KCNN2: variants seen among roughly 807,000 people sequenced by gnomAD.
KCNN2 encodes small conductance calcium-activated potassium channel protein 2.
KCNN2 carries 24 observed loss-of-function variants against 55.5 expected under a neutral mutation model. The observed-to-expected ratio is 0.43, with a 90% CI of 0.31 to 0.61. The LOEUF (loss-of-function observed/expected upper bound fraction) is 0.61. Among genes scored for constraint, KCNN2 ranks in the 20% least tolerant of loss-of-function variants. The pLI is 0.08. For missense variants in KCNN2, 754 were observed against 853.6 expected (o/e 0.88, Z 1.45); for synonymous variants, 431 against 336.1 (o/e 1.28, Z -3.09).
intron 1 of KCNN2, among the ~76,000 whole-genome samples, chr5:114,062,677 T>C (rs1580475775): frequency 6.6e-6 from 1 of 152,202 alleles, no homozygotes; most frequent in East Asian, 1.9e-4. Flanking sequence ...GTGTGTGTGT[T>C]TTAATAAATA....
At chr5:114,161,371 G>T (rs916464438) in intron 1 of KCNN2, among the ~76,000 whole-genome samples, 19 of 139,786 alleles carry the variant, frequency 1.4e-4, no homozygotes, top group Non-Finnish European at 2.9e-4. Context: ...CAAGAGATCA[G>T]CTGTTAGTCT....
intron 3 of KCNN2, among the ~76,000 whole-genome samples, chr5:114,432,954 G>T (rs1332319092): frequency 6.6e-6 from 1 of 152,166 alleles, no homozygotes; most frequent in African/African-American, 2.4e-5. Flanking sequence ...CGCCATGCCT[G>T]AACCTCCCAC....
At chr5:114,254,763 T>A (rs1437708837) in intron 2 of KCNN2, among the ~76,000 whole-genome samples, 1 of 152,208 alleles carries the variant, frequency 6.6e-6, no homozygotes, top group Non-Finnish European at 1.5e-5. Context: ...CTTATTCTTA[T>A]ATTCCTTAAT....
At chr5:114,307,139 T>A (rs1756296581) in intron 2 of KCNN2, among the ~76,000 whole-genome samples, 1 of 152,194 alleles carries the variant, frequency 6.6e-6, no homozygotes, top group Non-Finnish European at 1.5e-5. Flanking sequence ...TTAGGTGTTT[T>A]CAAGAAAGGA....
At chr5:114,206,472 A>T (rs1288312769) in intron 1 of KCNN2, among the ~76,000 whole-genome samples, 1 of 151,904 alleles carries the variant, frequency 6.6e-6, no homozygotes, top group Non-Finnish European at 1.5e-5. Flanking sequence ...TGCATCTCCA[A>T]ATCCTCCTTT....
At chr5:114,066,527 G>T (rs1287724004) in intron 1 of KCNN2, among the ~76,000 whole-genome samples, 1 of 152,196 alleles carries the variant, frequency 6.6e-6, no homozygotes, top group Non-Finnish European at 1.5e-5. Context: ...CACTACTGTG[G>T]GAAAGGGGCT....
intron 2 of KCNN2, among the ~76,000 whole-genome samples, chr5:114,344,934 A>G (rs559668918): frequency 2.4e-4 from 37 of 152,354 alleles, no homozygotes; most frequent in African/African-American, 8.4e-4. Flanking sequence ...GACAATACAT[A>G]TGCACTTATA....
intron 2 of KCNN2, among the ~76,000 whole-genome samples, chr5:114,306,240 C>T (rs578052170): frequency 6.6e-6 from 1 of 152,312 alleles, no homozygotes; most frequent in South Asian, 2.1e-4. Context: ...TGCCAAGTGC[C>T]ACAGTCTATG....
chr5:114,458,565 T>A (rs999202504), intron 3 of KCNN2, among the ~76,000 whole-genome samples: 3 of 152,240 alleles, frequency 2.0e-5, no homozygotes, highest in Non-Finnish European at 4.4e-5. Context: ...CCTGCTATGT[T>A]TTTGTAAGCA....
chr5:114,098,215 C>T (rs1751302068), intron 1 of KCNN2, among the ~76,000 whole-genome samples: 1 of 152,126 alleles, frequency 6.6e-6, no homozygotes, highest in Non-Finnish European at 1.5e-5. Context: ...GATAATCTCT[C>T]CATCTCAAGG....
chr5:114,166,573 G>A (rs1448697182), intron 1 of KCNN2, among the ~76,000 whole-genome samples: 1 of 152,106 alleles, frequency 6.6e-6, no homozygotes, highest in African/African-American at 2.4e-5. Flanking sequence ...TTAAGAAGTG[G>A]CATTCAAGGA....
At chr5:114,080,870 A>G (rs1269935383) in intron 1 of KCNN2, among the ~76,000 whole-genome samples, 1 of 152,172 alleles carries the variant, frequency 6.6e-6, no homozygotes, top group African/African-American at 2.4e-5. Flanking sequence ...ACATCCAAAT[A>G]GGAAAAGAAG....
intron 2 of KCNN2, among the ~76,000 whole-genome samples, chr5:114,390,671 A>T (rs1203412907): frequency 6.6e-6 from 1 of 152,122 alleles, no homozygotes; most frequent in East Asian, 1.9e-4. Flanking sequence ...TCAACCCTAG[A>T]TCTGCTTGAC....
intron 3 of KCNN2, among the ~76,000 whole-genome samples, chr5:114,462,008 T>C (rs1230533504): frequency 6.6e-6 from 1 of 152,086 alleles, no homozygotes; most frequent in Non-Finnish European, 1.5e-5. Context: ...TTTCCAATGG[T>C]GGGTGAAAAG....
intron 2 of KCNN2, among the ~76,000 whole-genome samples, chr5:114,384,176 A>C (rs577098330): frequency 1.3e-5 from 2 of 152,340 alleles, no homozygotes; most frequent in African/African-American, 2.4e-5. Context: ...TAATCATAAA[A>C]CAAATAAATA....
intron 1 of KCNN2, among the ~76,000 whole-genome samples, chr5:114,090,546 CCT>C (rs199791117): frequency 2.1e-3 from 295 of 141,252 alleles, no homozygotes; most frequent in African/African-American, 6.9e-3. Context: ...TTTCTCTCTT[CCT>C]CTCTCTCTCT....
chr5:114,404,869 C>T lies in KCNN2; in HGVS notation c.1637+13C>T. 6.3e-7 allele frequency: 1 copy of T among 1,591,818 alleles called. No individual in the cohort carries two copies. On this transcript the variant is annotated intron_variant, in intron 3 of 7. Coordinates refer to ENST00000673685, the MANE Select transcript of KCNN2 (RefSeq NM_021614.4). ...GAGCTTGTGAAAGGTAAGTTTGTTT[C>T]TTTTCCTGAGAACATAATTTACCAT...
chr5:114,344,001 A>C (rs1757063180), intron 2 of KCNN2, among the ~76,000 whole-genome samples: 1 of 152,150 alleles, frequency 6.6e-6, no homozygotes, highest in African/African-American at 2.4e-5. Flanking sequence ...GTTTATATTT[A>C]ATTCTTTAAA....
At chr5:114,109,827 G>A (rs566683476) in intron 1 of KCNN2, among the ~76,000 whole-genome samples, 1 of 152,054 alleles carries the variant, frequency 6.6e-6, no homozygotes, top group Non-Finnish European at 1.5e-5. Context: ...AAGGCGTGGG[G>A]ATTTTCTGGT....
Sources: allele counts gnomAD v4.1 joint callset (sites outside exome capture counted in the v4.1 genomes callset), GRCh38; gene constraint gnomAD v4.1.1; transcripts MANE v1.5; gene names NCBI Gene and HGNC (gene_info 2026-07-23, HGNC 2026-07-21).